The following RFTN1 variants were observed in gnomAD, a reference collection of about 807,000 sequenced individuals.
RFTN1 encodes raftlin.
A neutral mutation model predicts 46.5 loss-of-function variants in RFTN1; 26 were observed. That is an observed-to-expected ratio of 0.56 (90% CI 0.41 to 0.78). RFTN1 has a LOEUF of 0.78. RFTN1 is among the 30% of genes least tolerant of loss of function. The probability of loss-of-function intolerance (pLI) is 0.00; values close to 1 mark genes in which losing one functional copy is unlikely to be tolerated. For synonymous variants in RFTN1, 261 were observed against 284.2 expected (o/e 0.92, Z 0.82); for missense variants, 693 against 718.7 (o/e 0.96, Z 0.41).
At position 16,400,043 on chromosome 3, in the gene RFTN1, C is replaced by CT. The variant is rs1224467778; in HGVS notation, c.441+9331dup. Among the ~76,000 whole-genome samples the CT allele has an allele frequency of 6.6e-6, 1 of 152,222 alleles. No individual in the cohort carries two copies. The highest frequency in any genetic ancestry group is 1.5e-5 in the Non-Finnish European group (1 of 68,026). On this transcript the variant is annotated intron_variant, in intron 4 of 9. Coordinates refer to ENST00000334133, the MANE Select transcript of RFTN1 (RefSeq NM_015150.2). This position sits in a 1 kb window ranked among gnomAD's most constrained non-coding sequence, Gnocchi z 4.5. ...GTCACTAACCTGCAGCCATTCTGATCTTTCCAAAGTATACATTTAGGAATC... is the reference window on the plus strand; with the variant it reads ...GTCACTAACCTGCAGCCATTCTGATCTTTTCCAAAGTATACATTTAGGAATC...
chr3:16,487,985 C>T (rs1216706692), intron 2 of RFTN1, among the ~76,000 whole-genome samples: 1 of 152,176 alleles, frequency 6.6e-6, no homozygotes, highest in African/African-American at 2.4e-5. Flanking sequence ...TGTAAGATTC[C>T]TGCTGCTTTC....
rs187331543 is a variant in RFTN1, at chr3:16,335,213, A to G, written c.1147-8337T>C. On this transcript the variant is annotated intron_variant, in intron 7 of 9. Coordinates refer to ENST00000334133, the MANE Select transcript of RFTN1 (RefSeq NM_015150.2). This position sits in a 1 kb window ranked among gnomAD's most constrained non-coding sequence, Gnocchi z 4.7. Reference sequence around the variant, plus strand: ...GCCAGGAAAAGGCTGGGATGGGGATAAACACTTGGAGGTGCTGACAGATGC... The same window carrying G: ...GCCAGGAAAAGGCTGGGATGGGGATGAACACTTGGAGGTGCTGACAGATGC... 2.8e-3 allele frequency among the ~76,000 whole-genome samples: 420 copies of G among 152,350 alleles called. No individual in the cohort carries two copies. Among genetic ancestry groups the G allele is most frequent in the Non-Finnish European group, 3.7e-3 (253 of 68,030 alleles).
In RFTN1 at chr3:16,491,558, C is replaced by A. The variant is rs905710153; in HGVS notation, c.145+2167G>T. On this transcript the variant is annotated intron_variant, in intron 2 of 9. Transcript: ENST00000334133. ...ATTCCATCAAGGACAGCACAATGCA[C>A]AAAAGCAGTGTGGATGCTGCAGCTG... Among the ~76,000 whole-genome samples, 5 of 152,276 alleles carry A rather than the reference C, an allele frequency of 3.3e-5. No homozygotes were observed. The East Asian group carries it at 7.7e-4, about 23-fold the overall frequency.
chr3:16,477,729 G>C (rs2076305386), intron 2 of RFTN1, among the ~76,000 whole-genome samples: 1 of 152,178 alleles, frequency 6.6e-6, no homozygotes, highest in Admixed American at 6.5e-5. Context: ...ATGAGTGCTA[G>C]GGCCTTGTGG....
intron 2 of RFTN1, among the ~76,000 whole-genome samples, chr3:16,461,704 G>T (rs867202741): frequency 2.0e-5 from 3 of 152,198 alleles, no homozygotes; most frequent in Admixed American, 1.3e-4. Flanking sequence ...TATCTGGCAG[G>T]CAGGGTCTAA....
Position 16,504,074 on chromosome 3 carries a change from C to A in RFTN1, c.-9+9368G>T, listed in dbSNP as rs945445337. Among the ~76,000 whole-genome samples, 1 of 152,152 alleles carries A rather than the reference C, an allele frequency of 6.6e-6. No homozygotes were observed. Among genetic ancestry groups the A allele is most frequent in the African/African-American group, 2.4e-5 (1 of 41,426 alleles). ...TATGGCAGAGATTCTGAGGATTTCT[C>A]CGTTCACAGTGCCCTTAGTTTCTCT... On this transcript the variant is annotated intron_variant, in intron 1 of 9. Transcript: ENST00000334133. This position sits in a 1 kb window ranked among gnomAD's most constrained non-coding sequence, Gnocchi z 4.4.
In RFTN1 at chr3:16,512,272, C is replaced by G. The variant is rs2076913657; in HGVS notation, c.-9+1170G>C. Among the ~76,000 whole-genome samples the G allele has an allele frequency of 6.6e-6, 1 of 152,118 alleles. No individual in the cohort carries two copies. The highest frequency in any genetic ancestry group is 2.4e-5 in the African/African-American group (1 of 41,412). ...CCTTCCTGGCAAGGCCTTAACTTAT[C>G]CTGAGATGACACACGATGGCAGGGG... On this transcript the variant is annotated intron_variant, in intron 1 of 9. Coordinates refer to ENST00000334133, the MANE Select transcript of RFTN1 (RefSeq NM_015150.2). This position sits in a 1 kb window ranked among gnomAD's most constrained non-coding sequence, Gnocchi z 4.3.
At position 16,363,258 on chromosome 3, in the gene RFTN1, A is replaced by C. The variant is rs149799742; in HGVS notation, c.1031-5211T>G. On this transcript the variant is annotated intron_variant, in intron 6 of 9. Transcript: ENST00000334133. ...TACCTTCATGGCTCAGCCTCACTAT[A>C]ATGTGCACTGAATTGGGTATAAATA... Among the ~76,000 whole-genome samples the C allele has an allele frequency of 5.6e-3, 856 of 152,248 alleles. 9 individuals are homozygous for C. The highest frequency in any genetic ancestry group is 0.019 in the African/African-American group (798 of 41,546).
rs1177681333 is a variant in RFTN1 at position 16,442,069 on chromosome 3, C to CT, written c.146-8033dup. Among the ~76,000 whole-genome samples, 1 of 152,056 alleles carries CT rather than the reference C, an allele frequency of 6.6e-6. No homozygotes were observed. Among genetic ancestry groups the CT allele is most frequent in the Non-Finnish European group, 1.5e-5 (1 of 68,018 alleles). On this transcript the variant is annotated intron_variant, in intron 2 of 9. Coordinates refer to ENST00000334133, the MANE Select transcript of RFTN1 (RefSeq NM_015150.2). This position sits in a 1 kb window ranked among gnomAD's most constrained non-coding sequence, Gnocchi z 4.1. ...TAAGTTAAAATGTTTGTTCTAAGGG[C>CT]TTTAAAAATTTAGACTTCTGTCATC...
intron 3 of RFTN1, among the ~76,000 whole-genome samples, chr3:16,432,166 G>A (rs549547641): frequency 1.3e-3 from 200 of 152,234 alleles, no homozygotes; most frequent in African/African-American, 3.4e-3. Flanking sequence ...AAACCACTGT[G>A]GCCCCCAATC....
intron 4 of RFTN1, among the ~76,000 whole-genome samples, chr3:16,394,486 G>A (rs2074423037): frequency 6.6e-6 from 1 of 152,242 alleles, no homozygotes; most frequent in Admixed American, 6.5e-5. Context: ...CTGAGCAAAA[G>A]ACACCATTTA....
In RFTN1 at chr3:16,402,660, A is replaced by AT. The variant is rs1266873331; in HGVS notation, c.441+6714dup. On this transcript the variant is annotated intron_variant, in intron 4 of 9. Transcript: ENST00000334133. This position sits in a 1 kb window ranked among gnomAD's most constrained non-coding sequence, Gnocchi z 4.5. ...ATGAGTCATTTACATAACAGGCAAA[A>AT]TTTCATCATCCCGGAGATTTGGGAT... 3.3e-5 allele frequency among the ~76,000 whole-genome samples: 5 copies of AT among 152,160 alleles called. No homozygotes were observed. The highest frequency in any genetic ancestry group is 1.2e-4 in the African/African-American group (5 of 41,422).
At position 16,474,430 on chromosome 3, in the gene RFTN1, A is replaced by G. The variant is rs1358747550; in HGVS notation, c.145+19295T>C. Among the ~76,000 whole-genome samples, 1 of 152,186 alleles carries G rather than the reference A, an allele frequency of 6.6e-6. No homozygotes were observed. Among genetic ancestry groups the G allele is most frequent in the Non-Finnish European group, 1.5e-5 (1 of 68,028 alleles). ...CTACACAGCTGCTGATTAATTAGTGAATGCTGCTGCTATTTGCCCTCCTCC... is the reference window on the plus strand; with the variant it reads ...CTACACAGCTGCTGATTAATTAGTGGATGCTGCTGCTATTTGCCCTCCTCC... On this transcript the variant is annotated intron_variant, in intron 2 of 9. Coordinates refer to ENST00000334133, the MANE Select transcript of RFTN1 (RefSeq NM_015150.2). The surrounding 1 kb of genome is among the most constrained non-coding windows in gnomAD (Gnocchi z 5.5).
In RFTN1 at chr3:16,344,623, T is replaced by A. The variant is rs1019263269; in HGVS notation, c.1146+13309A>T. ...ATCAGGTCTCTTCAGGTCCACCACC[T>A]TCTAGATCACTGCACAAGCCCCTGA... On this transcript the variant is annotated intron_variant, in intron 7 of 9. Coordinates refer to ENST00000334133, the MANE Select transcript of RFTN1 (RefSeq NM_015150.2). The surrounding 1 kb of genome is among the most constrained non-coding windows in gnomAD (Gnocchi z 4.4). Among the ~76,000 whole-genome samples, 1 of 152,130 alleles carries A rather than the reference T, an allele frequency of 6.6e-6. No individual in the cohort carries two copies. Among genetic ancestry groups the A allele is most frequent in the African/African-American group, 2.4e-5 (1 of 41,426 alleles).
chr3:16,446,321 C>A lies in RFTN1; in HGVS notation c.146-12284G>T, dbSNP rs1167465860. On this transcript the variant is annotated intron_variant, in intron 2 of 9. Transcript: ENST00000334133. The surrounding 1 kb of genome is among the most constrained non-coding windows in gnomAD (Gnocchi z 4.5). ...AAAAAAAAAACTGTGGTAAAATATG[C>A]CTAACATCAAATTTATTATTCTAAC... Among the ~76,000 whole-genome samples the A allele has an allele frequency of 6.6e-6, 1 of 152,014 alleles. No homozygotes were observed. Among genetic ancestry groups the A allele is most frequent in the African/African-American group, 2.4e-5 (1 of 41,436 alleles).
Position 16,443,911 on chromosome 3 carries a change from C to A in RFTN1, c.146-9874G>T, listed in dbSNP as rs1446235879. On this transcript the variant is annotated intron_variant, in intron 2 of 9. Coordinates refer to ENST00000334133, the MANE Select transcript of RFTN1 (RefSeq NM_015150.2). The surrounding 1 kb of genome is among the most constrained non-coding windows in gnomAD (Gnocchi z 5.5). The stretch of plus-strand genomic sequence containing the variant: ...TGTTCACCTCACCAGTCCATTTTGT[C>A]AGAGAAGACACAGGCTAAGATACAT... Among the ~76,000 whole-genome samples, 2 of 152,132 alleles carry A rather than the reference C, an allele frequency of 1.3e-5. No homozygotes were observed. Among genetic ancestry groups the A allele is most frequent in the Non-Finnish European group, 2.9e-5 (2 of 68,030 alleles).
intron 2 of RFTN1, among the ~76,000 whole-genome samples, chr3:16,444,501 G>T (rs2075692553): frequency 6.6e-6 from 1 of 152,204 alleles, no homozygotes; most frequent in African/African-American, 2.4e-5. Context: ...CTGAGCAAGT[G>T]TGAGTGTATG....
At position 16,429,677 on chromosome 3, in the gene RFTN1, G is replaced by A. The variant is rs1372893119; in HGVS notation, c.332+4174C>T. On this transcript the variant is annotated intron_variant, in intron 3 of 9. Transcript: ENST00000334133. The surrounding 1 kb of genome is among the most constrained non-coding windows in gnomAD (Gnocchi z 6.4). ...TCTGAAAAGAGTACTCACTCAGCAA[G>A]TGTTAGTGAATGAGTGAGGGGATAA... Among the ~76,000 whole-genome samples the A allele has an allele frequency of 1.3e-5, 2 of 152,228 alleles. No homozygotes were observed. The highest frequency in any genetic ancestry group is 4.8e-5 in the African/African-American group (2 of 41,462).
intron 3 of RFTN1, among the ~76,000 whole-genome samples, chr3:16,420,419 G>A (rs1019237699): frequency 6.6e-6 from 1 of 152,230 alleles, no homozygotes; most frequent in Non-Finnish European, 1.5e-5. Context: ...GTTCAGAAAA[G>A]TCACATATCT....
Sources: allele counts gnomAD v4.1 joint callset (sites outside exome capture counted in the v4.1 genomes callset), GRCh38; gene constraint gnomAD v4.1.1; non-coding constraint Gnocchi (gnomAD v3.1); transcripts MANE v1.5; gene names NCBI Gene and HGNC (gene_info 2026-07-23, HGNC 2026-07-21).